The following DMC1 variants were observed in gnomAD, a reference collection of about 807,000 sequenced individuals.
DMC1 encodes DNA meiotic recombinase 1.
Under a neutral mutation model 50.1 loss-of-function variants are expected in DMC1, and 27 were observed. That is an observed-to-expected ratio of 0.54 (90% CI 0.40 to 0.74). The LOEUF (loss-of-function observed/expected upper bound fraction) is 0.74, where lower values mean the gene tolerates loss of function less well. Ranked by LOEUF, DMC1 falls within the 30% of genes least tolerant of loss-of-function variation. DMC1 has a pLI of 0.00. For missense variants in DMC1, 295 were observed against 420.2 expected (o/e 0.70, Z 2.60); for synonymous variants, 148 against 136.1 (o/e 1.09, Z -0.61).
At chr22:38,567,742 C>T in intron 2 of DMC1, 115 bp from the exon 3 acceptor site, 1 of 776,140 alleles carries the variant, frequency 1.3e-6, no homozygotes, top group Non-Finnish European at 2.2e-6. Context: ...TCAAATTCCG[C>T]TTCTCTAGAG....
chr22:38,511,853 T>G, the DMC1 span, among the ~76,000 whole-genome samples: 1 of 152,210 alleles, frequency 6.6e-6, no homozygotes, highest in Admixed American at 6.5e-5. Flanking sequence ...ACCTCTTTTG[T>G]GCATGGGTAT....
At chr22:38,535,450 G>T (rs960485935) in intron 12 of DMC1, among the ~76,000 whole-genome samples, 1 of 151,764 alleles carries the variant, frequency 6.6e-6, no homozygotes, top group Non-Finnish European at 1.5e-5. Flanking sequence ...ACAGGAGAGA[G>T]AAAAAATGTG....
chr22:38,549,156 C>A, intron 8 of DMC1, among the ~76,000 whole-genome samples: 1 of 152,174 alleles, frequency 6.6e-6, no homozygotes, highest in East Asian at 1.9e-4. Flanking sequence ...TGTTTCAAAG[C>A]CTTTCATGTC....
At chr22:38,552,643 T>C (rs1460740714) in intron 7 of DMC1, 23 bp downstream of exon 7, 1 of 1,502,622 alleles carries the variant, frequency 6.7e-7, no homozygotes, top group Admixed American at 1.7e-5. Context: ...ATTATTATTG[T>C]TATTGTTGTT....
intron 4 of DMC1, among the ~76,000 whole-genome samples, chr22:38,565,771 G>T (rs1665760088): frequency 6.6e-6 from 1 of 152,314 alleles, no homozygotes; most frequent in Admixed American, 6.5e-5. Flanking sequence ...GCACATGCTT[G>T]GTCATATCTA....
downstream of DMC1, among the ~76,000 whole-genome samples, chr22:38,518,582 G>T (rs1459885590): frequency 6.6e-6 from 1 of 151,672 alleles, no homozygotes; most frequent in Non-Finnish European, 1.5e-5. Flanking sequence ...CCAGGCTGGA[G>T]TGCAGTGGCT....
At position 38,555,340 on chromosome 22, in the gene DMC1, A is replaced by T; in HGVS notation, c.379+17T>A. 1 of 1,571,568 alleles carries T rather than the reference A, an allele frequency of 6.4e-7. No individual in the cohort carries two copies. Among genetic ancestry groups the T allele is most frequent in the Admixed American group, 1.7e-5 (1 of 59,858 alleles). On this transcript the variant is annotated intron_variant, in intron 6 of 13. Transcript: ENST00000216024. ...TGTATAATATTTCATTTAACAAAAT[A>T]TTAAGGTTCTACCTACCTCCAAAAG...
chr22:38,543,658 C>A (rs1193741127), intron 8 of DMC1, among the ~76,000 whole-genome samples: 1 of 152,102 alleles, frequency 6.6e-6, no homozygotes, highest in African/African-American at 2.4e-5. Context: ...TGCTTTCTTG[C>A]CCCTAGTTTC....
intron 2 of DMC1, 24 bp from the exon 3 acceptor site, chr22:38,567,651 A>T (rs754687969): frequency 1.3e-6 from 2 of 1,580,104 alleles, no homozygotes; most frequent in South Asian, 2.2e-5. Flanking sequence ...AACAGAAAAA[A>T]TGAAGTTTTG....
chr22:38,538,585 T>A lies in DMC1; in HGVS notation c.614A>T (p.Tyr205Phe). 6.2e-7 allele frequency: 1 copy of A among 1,614,090 alleles called. No individual in the cohort carries two copies. The highest frequency in any genetic ancestry group is 8.5e-7 in the Non-Finnish European group (1 of 1,179,994). The change falls in exon 10 of 14, where the codon TAT becomes TTT. Residue 205 changes from tyrosine to phenylalanine, a missense_variant. Transcript: ENST00000216024. ...TSEHQMELLDYVAAKFHEEAG... is the reference protein window; with the variant it reads ...TSEHQMELLDFVAAKFHEEAG... ...TTCTTCATGGAACTTTGCTGCTACA[T>A]AATCAAGTAGCTCCATCTGATGTTC...
chr22:38,568,350 T>C (rs2090602706), intron 1 of DMC1, 61 bp from the exon 2 acceptor site: 1 of 1,278,278 alleles, frequency 7.8e-7, no homozygotes, highest in African/African-American at 1.5e-5. Flanking sequence ...TCTGATTTCA[T>C]TTCAAAGTCA....
At chr22:38,552,006 G>A (rs1203994593) in intron 7 of DMC1, among the ~76,000 whole-genome samples, 10 of 151,798 alleles carry the variant, frequency 6.6e-5, no homozygotes, top group East Asian at 1.9e-4. Flanking sequence ...GACTACAGGC[G>A]CCCGCCACCA....
At chr22:38,563,219 A>G (rs1433390552) in intron 4 of DMC1, among the ~76,000 whole-genome samples, 2 of 152,200 alleles carry the variant, frequency 1.3e-5, no homozygotes, top group East Asian at 1.9e-4. Context: ...CATTTTTCAC[A>G]TGGTAGATAT....
intron 5 of DMC1, among the ~76,000 whole-genome samples, chr22:38,557,580 C>T (rs2090480605): frequency 6.6e-6 from 1 of 152,062 alleles, no homozygotes; most frequent in Non-Finnish European, 1.5e-5. Context: ...CTGGCCTGTG[C>T]CTGCAGTCCC....
At chr22:38,564,617 C>G (rs1169273579) in intron 4 of DMC1, among the ~76,000 whole-genome samples, 1 of 152,070 alleles carries the variant, frequency 6.6e-6, no homozygotes, top group African/African-American at 2.4e-5. Context: ...GGCCTGATAC[C>G]CGTCTCTTAA....
chr22:38,535,413 C>CACAT (rs1419492063), intron 12 of DMC1, among the ~76,000 whole-genome samples: 37 of 148,326 alleles, frequency 2.5e-4, no homozygotes, highest in Non-Finnish European at 6.0e-5. Context: ...TACACCTCCA[C>CACAT]ACACACACAC....
intron 12 of DMC1, among the ~76,000 whole-genome samples, chr22:38,531,923 A>G (rs1426375840): frequency 6.6e-6 from 1 of 150,946 alleles, no homozygotes; most frequent in Non-Finnish European, 1.5e-5. Context: ...GAAACTTTCT[A>G]CAAATATAAG....
chr22:38,514,608 A>G (rs1469360911), downstream of DMC1, among the ~76,000 whole-genome samples: 1 of 152,148 alleles, frequency 6.6e-6, no homozygotes, highest in Non-Finnish European at 1.5e-5. Context: ...AAAACAGGAT[A>G]GGTAAATAAG....
chr22:38,551,088 A>G (rs2090404028), intron 7 of DMC1, among the ~76,000 whole-genome samples: 1 of 149,936 alleles, frequency 6.7e-6, no homozygotes, highest in Non-Finnish European at 1.5e-5. Flanking sequence ...TGAAAATACA[A>G]AAAACAAAAA....
Sources: gnomAD v4.1 joint callset for allele counts (sites outside exome capture counted in the v4.1 genomes callset) on GRCh38, gnomAD v4.1.1 for gene constraint, MANE v1.5 for transcripts, NCBI Gene and HGNC (gene_info 2026-07-23, HGNC 2026-07-21) for gene names.